MYO9B: variants seen among roughly 807,000 people sequenced by gnomAD.
MYO9B encodes myosin IXB.
A neutral mutation model predicts 229.5 loss-of-function variants in MYO9B; 71 were observed. The ratio of observed to expected loss-of-function variants is 0.31; its 90% CI spans 0.26 to 0.38. The LOEUF is 0.38. Among genes scored for constraint, MYO9B ranks in the 10% least tolerant of loss-of-function variants. The pLI is 1.00. For synonymous variants in MYO9B, 1,185 were observed against 1,235.8 expected (o/e 0.96, Z 0.86); for missense variants, 2,255 against 2,920.5 (o/e 0.77, Z 5.25).
At chr19:17,123,692 A>C (rs576775735) in intron 2 of MYO9B, among the ~76,000 whole-genome samples, 42 of 152,162 alleles carry the variant, frequency 2.8e-4, no homozygotes, top group African/African-American at 8.4e-4. Flanking sequence ...TACAGGCATG[A>C]GCCACCACAC....
Position 17,193,892 on chromosome 19 carries a change from G to C in MYO9B, c.3129-664G>C, listed in dbSNP as rs1003136093. ...GACACTGTCTCTAAAAGCAAAACAGGCTGGGCATAGTGGCTCACACCTGTA... is the reference window on the plus strand; with the variant it reads ...GACACTGTCTCTAAAAGCAAAACAGCCTGGGCATAGTGGCTCACACCTGTA... On this transcript the variant is annotated intron_variant, in intron 21 of 39. Transcript: ENST00000682292. This position sits in a 1 kb window ranked among gnomAD's most constrained non-coding sequence, Gnocchi z 4.3. 4.6e-5 allele frequency among the ~76,000 whole-genome samples: 7 copies of C among 151,840 alleles called. No individual in the cohort carries two copies. In the East Asian group the frequency reaches 9.6e-4, roughly 21 times the overall value.
chr19:17,199,487 G>C (rs2073082192), intron 24 of MYO9B, among the ~76,000 whole-genome samples: 1 of 151,794 alleles, frequency 6.6e-6, no homozygotes, highest in Non-Finnish European at 1.5e-5. Flanking sequence ...CTCTTTATAA[G>C]ATAATCCTGT....
chr19:17,174,943 AAT>A (rs1491400461), intron 13 of MYO9B, among the ~76,000 whole-genome samples: 11 of 149,940 alleles, frequency 7.3e-5, no homozygotes, highest in Non-Finnish European at 7.5e-5. Context: ...CAAAAAAATA[AAT>A]AAATAAATAA....
intron 2 of MYO9B, among the ~76,000 whole-genome samples, chr19:17,134,756 A>T (rs1568267361): frequency 6.6e-6 from 1 of 151,352 alleles, no homozygotes; most frequent in Non-Finnish European, 1.5e-5. Context: ...TTATCCATTC[A>T]TCTGTGGGGT....
intron 2 of MYO9B, among the ~76,000 whole-genome samples, chr19:17,131,742 A>G (rs1288597136): frequency 6.6e-6 from 1 of 152,220 alleles, no homozygotes; most frequent in Non-Finnish European, 1.5e-5. Context: ...CAGCCCTGTC[A>G]GAGGAAGAGG....
chr19:17,139,210 A>C (rs2072307785), intron 2 of MYO9B, among the ~76,000 whole-genome samples: 2 of 151,714 alleles, frequency 1.3e-5, no homozygotes, highest in Admixed American at 6.6e-5. Context: ...ATAACCCATT[A>C]CTTCTAGGCT....
rs999521930 is a variant in MYO9B, at chr19:17,101,556, T to C, written c.-58-104T>C. 2.5e-6 allele frequency: 3 copies of C among 1,183,328 alleles called. No individual in the cohort carries two copies. In the African/African-American group the frequency reaches 4.6e-5, roughly 18 times the overall value. 73.3% of individuals were successfully genotyped at this position (1,183,328 alleles called of 1,614,324 possible). On this transcript the variant is annotated intron_variant, in intron 1 of 39. Transcript: ENST00000682292. The surrounding 1 kb of genome is among the most constrained non-coding windows in gnomAD (Gnocchi z 4.7). ...GGGCGAGCCTAGTCGGGTGGGGAAC[T>C]CCAGCATCGGGTCAGGTGCTATCTG...
At chr19:17,189,326 T>TAAAAC (rs112218960) in intron 19 of MYO9B, among the ~76,000 whole-genome samples, 17 of 151,078 alleles carry the variant, frequency 1.1e-4, no homozygotes, top group Admixed American at 2.0e-4. Context: ...GACCCTGTCT[T>TAAAAC]AAAACAAAAC....
At chr19:17,120,711 AAC>A (rs2145124257) in intron 2 of MYO9B, among the ~76,000 whole-genome samples, 1 of 152,070 alleles carries the variant, frequency 6.6e-6, no homozygotes, top group African/African-American at 2.4e-5. Context: ...GCTAATTGGT[AAC>A]AGTCCTCATG....
Position 17,172,550 on chromosome 19 carries a change from G to A in MYO9B, c.1935+73G>A, listed in dbSNP as rs973997090. 1.3e-5 allele frequency: 20 copies of A among 1,579,416 alleles called. No individual in the cohort carries two copies. Among genetic ancestry groups the A allele is most frequent in the Non-Finnish European group, 1.6e-5 (19 of 1,162,040 alleles). The stretch of plus-strand genomic sequence containing the variant: ...GTCAGCCCAGAAGCCCATGTGGGAG[G>A]ATCCTCCTGTGGGCGAGGTTCCAGG... On this transcript the variant is annotated intron_variant, in intron 12 of 39. Transcript: ENST00000682292. This position sits in a 1 kb window ranked among gnomAD's most constrained non-coding sequence, Gnocchi z 8.2.
intron 2 of MYO9B, among the ~76,000 whole-genome samples, chr19:17,126,145 G>T (rs567376376): frequency 5.9e-5 from 9 of 152,184 alleles, no homozygotes; most frequent in Non-Finnish European, 8.8e-5. Context: ...GAGCTCTGTT[G>T]AAAGCATCAG....
At chr19:17,105,086 C>T (rs2057780323) in intron 2 of MYO9B, among the ~76,000 whole-genome samples, 1 of 152,162 alleles carries the variant, frequency 6.6e-6, no homozygotes, top group Non-Finnish European at 1.5e-5. Context: ...CACAGCTCTT[C>T]TCACTGCCTC....
intron 15 of MYO9B, among the ~76,000 whole-genome samples, chr19:17,181,920 C>T (rs186858990): frequency 3.9e-5 from 6 of 152,064 alleles, no homozygotes; most frequent in East Asian, 3.9e-4. Context: ...GGATTGCTAA[C>T]ACCTGCCACT....
intron 7 of MYO9B, 125 bp from the exon 8 acceptor site, chr19:17,159,270 C>T: frequency 1.2e-6 from 1 of 821,862 alleles, no homozygotes; most frequent in African/African-American, 1.7e-5. Context: ...CACTTCTAGG[C>T]CTGGCTGCTG....
intron 1 of MYO9B, among the ~76,000 whole-genome samples, chr19:17,088,787 C>T (rs1195159546): frequency 6.6e-6 from 1 of 152,136 alleles, no homozygotes; most frequent in Non-Finnish European, 1.5e-5. Context: ...ACCTCCCAGG[C>T]TTAAGTGATT....
At chr19:17,130,581 C>T (rs2072182940) in intron 2 of MYO9B, among the ~76,000 whole-genome samples, 1 of 151,384 alleles carries the variant, frequency 6.6e-6, no homozygotes, top group African/African-American at 2.4e-5. Context: ...GATCGTGCCA[C>T]TGCACTCCAG....
At chr19:17,081,507 G>A (rs1175517643) in intron 1 of MYO9B, among the ~76,000 whole-genome samples, 1 of 152,032 alleles carries the variant, frequency 6.6e-6, no homozygotes, top group Non-Finnish European at 1.5e-5. Context: ...ACATTCAGGG[G>A]TGACTAAAGA....
In MYO9B at chr19:17,102,521, C is replaced by T. The variant is rs373966303; in HGVS notation, c.804C>T (p.Val268=). 215 of 1,609,102 alleles carry T rather than the reference C, an allele frequency of 1.3e-4. No individual in the cohort carries two copies. Among genetic ancestry groups the T allele is most frequent in the African/African-American group, 7.3e-4 (55 of 74,940 alleles). ...ALSQKGYASG[V]ERTILGAGPV... Reference sequence around the variant, plus strand: ...GCCAGAAGGGCTACGCCAGCGGCGTCGAGAGGACCATCCTGGGTGCTGGCC... The same window carrying T: ...GCCAGAAGGGCTACGCCAGCGGCGTTGAGAGGACCATCCTGGGTGCTGGCC... Residue 268 remains valine, a synonymous_variant, in exon 2 of 40, where the codon GTC becomes GTT. Transcript: ENST00000682292.
chr19:17,085,235 C>T (rs1322644326), intron 1 of MYO9B, among the ~76,000 whole-genome samples: 4 of 152,154 alleles, frequency 2.6e-5, no homozygotes, highest in Non-Finnish European at 4.4e-5. Flanking sequence ...GAAAATGGAA[C>T]GAGCTCCCTG....
Sources: allele counts gnomAD v4.1 joint callset (sites outside exome capture counted in the v4.1 genomes callset), GRCh38; gene constraint gnomAD v4.1.1; non-coding constraint Gnocchi (gnomAD v3.1); transcripts MANE v1.5; gene names NCBI Gene and HGNC (gene_info 2026-07-23, HGNC 2026-07-21).